The following ACD variants were observed in gnomAD, a reference collection of about 807,000 sequenced individuals.
ACD encodes the protein adrenocortical dysplasia protein homolog.
ACD carries 39 observed loss-of-function variants against 53.9 expected under a neutral mutation model. That is an observed-to-expected ratio of 0.72 (90% CI 0.56 to 0.95). The LOEUF is 0.95. ACD is among the 40% of genes least tolerant of loss of function. The pLI is 0.00. For missense variants in ACD, 526 were observed against 587.9 expected, an observed-to-expected ratio of 0.89 and a Z score of 1.09; for synonymous variants, 273 against 249.2, an observed-to-expected ratio of 1.10 and a Z score of -0.90.
Position 67,658,342 on chromosome 16 carries a change from G to T in ACD, c.850C>A (p.His284Asn). ...SSSGTPALPG[H>N]MSSEESGTSI... ...GTACCACTTTCCTCGGATGACATGT[G>T]GCCGGGTAAGGCCGGGGTTCCTGAG... The change falls in exon 10 of 12, where the codon CAC becomes AAC. Residue 284 changes from histidine (H) to asparagine (N), a missense_variant. Coordinates refer to ENST00000620761, the MANE Select transcript of ACD (RefSeq NM_001082486.2). 1 of 1,613,720 alleles carries T rather than the reference G, an allele frequency of 6.2e-7. No homozygotes were observed. Among genetic ancestry groups the T allele is most frequent in the Non-Finnish European group, 8.5e-7 (1 of 1,179,930 alleles).
chr16:67,659,182 A>G, intron 6 of ACD, 47 bp downstream of exon 6: 1 of 1,613,274 alleles, frequency 6.2e-7, no homozygotes, highest in Non-Finnish European at 8.5e-7. Context: ...AAGGCTGGAG[A>G]GATCACTGCA....
At chr16:67,659,678 G>A (rs2052961200) in intron 3 of ACD, 24 bp downstream of exon 3, 3 of 1,612,728 alleles carry the variant, frequency 1.9e-6, no homozygotes, top group Non-Finnish European at 8.5e-7. Context: ...CCGGTAACCC[G>A]CCCAAGGCAG....
Position 67,659,588 on chromosome 16 carries a change from TC to T in ACD, c.361del (p.Asp121ThrfsTer22), listed in dbSNP as rs1303559181. Reference protein sequence around the residue: ...GAPAEFYLQVDRFSLLPTEQP... With the variant: ...GAPAEFYLQVXRFSLLPTEQP... The stretch of plus-strand genomic sequence containing the variant: ...CTCCGTGGGCAGCAGGCTGAAGCGG[TC>T]CACCTGGAGATAGAACTCTGCGGGC... On this transcript the variant is annotated frameshift_variant, in exon 4 of 12. Transcript: ENST00000620761. LOFTEE classifies it high-confidence loss of function. 1 of 1,613,362 alleles carries T rather than the reference TC, an allele frequency of 6.2e-7. No individual in the cohort carries two copies. The highest frequency in any genetic ancestry group is 2.2e-5 in the East Asian group (1 of 44,864).
Position 67,659,594 on chromosome 16 carries a change from T to A in ACD, c.356A>T (p.Gln119Leu), listed in dbSNP as rs776746986. The A allele has an allele frequency of 6.2e-7, 1 of 1,613,402 alleles. No individual in the cohort carries two copies. The highest frequency in any genetic ancestry group is 1.1e-5 in the South Asian group (1 of 91,072). Reference sequence around the variant, plus strand: ...GGGCAGCAGGCTGAAGCGGTCCACCTGGAGATAGAACTCTGCGGGCTGGAG... The same window carrying A: ...GGGCAGCAGGCTGAAGCGGTCCACCAGGAGATAGAACTCTGCGGGCTGGAG... ...EGGAPAEFYLQVDRFSLLPTE... is the reference protein window; with the variant it reads ...EGGAPAEFYLLVDRFSLLPTE... Residue 119 changes from glutamine (Q) to leucine (L), a missense_variant, in exon 4 of 12, where the codon CAG becomes CTG. Coordinates refer to ENST00000620761, the MANE Select transcript of ACD (RefSeq NM_001082486.2).
chr16:67,659,106 T>A (rs368923570), intron 6 of ACD, 27 bp from the exon 7 acceptor site: 9 of 1,611,956 alleles, frequency 5.6e-6, no homozygotes, highest in Non-Finnish European at 6.8e-6. Context: ...ATGGGATGAG[T>A]CAAGGCTTAA....
chr16:67,659,120 G>A, intron 6 of ACD, 41 bp from the exon 7 acceptor site: 1 of 1,608,868 alleles, frequency 6.2e-7, no homozygotes, highest in South Asian at 1.1e-5. Context: ...GGCTTAAAGG[G>A]GAGGACCAGG....
Position 67,658,991 on chromosome 16 carries a change from TG to T in ACD, c.581del (p.Thr194AsnfsTer42), listed in dbSNP as rs753635377. On this transcript the variant is annotated frameshift_variant, in exon 7 of 12. Coordinates refer to ENST00000620761, the MANE Select transcript of ACD (RefSeq NM_001082486.2). LOFTEE classifies it high-confidence loss of function. The stretch of plus-strand genomic sequence containing the variant: ...GGGGTGCTGTGCAAGGGCCCTCCAG[TG>T]TCAGGCAGCTTTCAGCCAGGCACAC... The part of the protein sequence containing the change: ...ALVCLAESCL[T>X]LEGPCTAPPV... 6.2e-7 allele frequency: 1 copy of T among 1,613,858 alleles called. No individual in the cohort carries two copies. The highest frequency in any genetic ancestry group is 8.5e-7 in the Non-Finnish European group (1 of 1,180,004).
Position 67,659,521 on chromosome 16 carries a change from C to T in ACD, c.413+16G>A, listed in dbSNP as rs2052956429. The T allele has an allele frequency of 1.9e-6, 3 of 1,613,152 alleles. No individual in the cohort carries two copies. Among genetic ancestry groups the T allele is most frequent in the Middle Eastern group, 1.6e-4 (1 of 6,062 alleles). On this transcript the variant is annotated intron_variant, in intron 4 of 11. Coordinates refer to ENST00000620761, the MANE Select transcript of ACD (RefSeq NM_001082486.2). ...TGGGGTGGGGAGAGCTGCTGGAGGG[C>T]GGAGGCATCACTTACCAACCAGGCA...
In ACD at chr16:67,658,606, C is replaced by T; in HGVS notation, c.778G>A (p.Asp260Asn). Residue 260 changes from aspartate (D) to asparagine (N), a missense_variant, in exon 9 of 12, where the codon GAC (aspartate) becomes AAC (asparagine). Physicochemically the swap from Asp to Asn is conservative, Grantham distance 23. Coordinates refer to ENST00000620761, the MANE Select transcript of ACD (RefSeq NM_001082486.2). ...GAGGCTATGAGGGTCAGAGATAGGT[C>T]CTGCAGAGCCGGGTCTGGTGGGGGC... is the stretch of plus-strand genomic sequence containing the variant. ...ELPPPDPALQDLSLTLIASPP... is the reference protein window; with the variant it reads ...ELPPPDPALQNLSLTLIASPP... 1 of 1,575,648 alleles carries T rather than the reference C, an allele frequency of 6.3e-7. No homozygotes were observed. The highest frequency in any genetic ancestry group is 8.6e-7 in the Non-Finnish European group (1 of 1,159,586).
In ACD at chr16:67,660,253, C is replaced by T; in HGVS notation, c.-33G>A. On this transcript the variant is annotated 5_prime_UTR_variant, in exon 1 of 12. Transcript: ENST00000620761. ...GCTACACCCAGCGGATGCAACGGGC[C>T]CGGGTTTCCCGCGGGCGCCCAGGCC... The T allele has an allele frequency of 1.2e-6, 2 of 1,612,424 alleles. No individual in the cohort carries two copies. The highest frequency in any genetic ancestry group is 1.1e-5 in the South Asian group (1 of 91,080).
chr16:67,659,227 A>T lies in ACD; in HGVS notation c.493+2T>A, dbSNP rs2052945198. The T allele has an allele frequency of 6.2e-7, 1 of 1,614,002 alleles. No homozygotes were observed. The highest frequency in any genetic ancestry group is 1.3e-5 in the African/African-American group (1 of 74,914). ...AGGATCACTGGTCAAGCTCTACAGTACCTGCATTGGACGAGGTGGACTCTG... is the reference window on the plus strand; with the variant it reads ...AGGATCACTGGTCAAGCTCTACAGTTCCTGCATTGGACGAGGTGGACTCTG... On this transcript the variant is annotated splice_donor_variant, in intron 6 of 11. Coordinates refer to ENST00000620761, the MANE Select transcript of ACD (RefSeq NM_001082486.2). LOFTEE classifies it high-confidence loss of function.
rs2052896712 is a variant in ACD at position 67,657,689 on chromosome 16, A to G, written c.1299-5T>C. The G allele has an allele frequency of 6.2e-7, 1 of 1,614,132 alleles. No homozygotes were observed. Among genetic ancestry groups the G allele is most frequent in the South Asian group, 1.1e-5 (1 of 91,088 alleles). ...GCCATGAGCTGGGGAGGAAGCCTGG[A>G]AAGAAACCACCGCTGCAGGTCAATG... On this transcript the variant is annotated splice_polypyrimidine_tract_variant and splice_region_variant and intron_variant, in intron 11 of 11. Coordinates refer to ENST00000620761, the MANE Select transcript of ACD (RefSeq NM_001082486.2). This position sits in a 1 kb window ranked among gnomAD's most constrained non-coding sequence, Gnocchi z 4.5.
At chr16:67,660,100 C>T (rs2142975793) in intron 1 of ACD, 22 bp downstream of exon 1, 2 of 1,612,170 alleles carry the variant, frequency 1.2e-6, no homozygotes, top group Non-Finnish European at 1.7e-6. Context: ...CCTCGGTCTC[C>T]GGGCCCTGAA....
rs1270632817 is a variant in ACD at position 67,659,069 on chromosome 16, C to T, written c.504G>A (p.Leu168=). The T allele has an allele frequency of 6.2e-7, 1 of 1,613,786 alleles. No homozygotes were observed. Among genetic ancestry groups the T allele is most frequent in the East Asian group, 2.2e-5 (1 of 44,900 alleles). Residue 168 remains leucine (L), a synonymous_variant, in exon 7 of 12, where the codon CTG becomes CTA. Coordinates refer to ENST00000620761, the MANE Select transcript of ACD (RefSeq NM_001082486.2). ...ESTSSNAGLS[L]SQLLDEMRED... ...CCCGCATTTCATCCAGAAGCTGGGA[C>T]AGTGATAGGCCTGGGGACAGGGGAC...
chr16:67,658,723 GT>G lies in ACD; in HGVS notation c.738del (p.Gln247ArgfsTer17). ...ILSSLGPCQRTQGPELPPPDP... is the reference protein window; with the variant it reads ...ILSSLGPCQRXQGPELPPPDP... ...CAACCTCTCCAGTCCCCCTTACCCT[GT>G]GTCCTCTGACAGGGGCCTAGAGAGC... is the stretch of plus-strand genomic sequence containing the variant. On this transcript the variant is annotated frameshift_variant, in exon 8 of 12. Transcript: ENST00000620761. LOFTEE classifies it high-confidence loss of function. 6.2e-7 allele frequency: 1 copy of G among 1,611,370 alleles called. No homozygotes were observed. Among genetic ancestry groups the G allele is most frequent in the Non-Finnish European group, 8.5e-7 (1 of 1,178,414 alleles).
chr16:67,659,159 G>A (rs1432320009), intron 6 of ACD, 70 bp downstream of exon 6: 17 of 1,609,446 alleles, frequency 1.1e-5, no homozygotes, highest in Admixed American at 8.3e-5. Context: ...GCTTATTGAG[G>A]AAGCATAAGG....
At chr16:67,659,826 C>G (rs776272296) in intron 2 of ACD, 31 bp from the exon 3 acceptor site, 1 of 1,591,076 alleles carries the variant, frequency 6.3e-7, no homozygotes, top group Non-Finnish European at 8.6e-7. Flanking sequence ...ACTGCCGGGC[C>G]CACCTGAACA....
At position 67,659,631 on chromosome 16, in the gene ACD, G is replaced by A. The variant is rs552560232; in HGVS notation, c.337-18C>T. 4.3e-6 allele frequency: 7 copies of A among 1,613,114 alleles called. No individual in the cohort carries two copies. Among genetic ancestry groups the A allele is most frequent in the Middle Eastern group, 1.6e-4 (1 of 6,062 alleles). On this transcript the variant is annotated intron_variant, in intron 3 of 11. Transcript: ENST00000620761. ...TCTGCGGGCTGGAGGAGTTCGGGGG[G>A]AAGGGGGGGTCTCAGAATCGTCACG...
rs745595083 is a variant in ACD, at chr16:67,659,956, C to A, written c.189G>T (p.Gly63=). 1.9e-6 allele frequency: 3 copies of A among 1,608,634 alleles called. No individual in the cohort carries two copies. In the South Asian group the frequency reaches 3.3e-5, roughly 18 times the overall value. Residue 63 remains glycine (G), a synonymous_variant, in exon 2 of 12, where the codon GGG becomes GGT. Coordinates refer to ENST00000620761, the MANE Select transcript of ACD (RefSeq NM_001082486.2). ...DVGATLLVSD[G]THSVRCLVTR... Reference sequence around the variant, plus strand: ...TCACCAGGCATCGGACACTGTGGGTCCCGTCAGACACAAGCAGCGTGGCCC... The same window carrying A: ...TCACCAGGCATCGGACACTGTGGGTACCGTCAGACACAAGCAGCGTGGCCC...
Sources: gnomAD v4.1 joint callset for allele counts on GRCh38, gnomAD v4.1.1 for gene constraint, Gnocchi (gnomAD v3.1) non-coding constraint, MANE v1.5 for transcripts, NCBI Gene and HGNC (gene_info 2026-07-23, HGNC 2026-07-21) for gene names.